HSPG2: variants seen among roughly 807,000 people sequenced by gnomAD.
The protein encoded by HSPG2 is basement membrane-specific heparan sulfate proteoglycan core protein.
A neutral mutation model predicts 526.6 loss-of-function variants in HSPG2; 278 were observed. The observed-to-expected ratio is 0.53, with a 90% confidence interval of 0.48 to 0.58. HSPG2 has a LOEUF of 0.58. HSPG2 is among the 20% of genes least tolerant of loss of function. HSPG2 has a pLI of 0.00. For missense variants in HSPG2, 5,354 were observed against 6,099.5 expected, an observed-to-expected ratio of 0.88 and a Z score of 4.07; for synonymous variants, 2,465 against 2,555.4, an observed-to-expected ratio of 0.96 and a Z score of 1.07.
chr1:21,849,993 T>A (rs531244986), intron 57 of HSPG2, 48 bp downstream of exon 57: 2 of 1,609,926 alleles, frequency 1.2e-6, no homozygotes, highest in South Asian at 2.2e-5. Context: ...TATGCTCTTG[T>A]ACTGCAGCTA....
intron 76 of HSPG2, chr1:21,835,285 G>A (rs2098021887): frequency 1.7e-5 from 10 of 598,486 alleles, no homozygotes; most frequent in East Asian, 2.8e-5. Flanking sequence ...CACCATGCCC[G>A]GTTCACACTG....
intron 1 of HSPG2, among the ~76,000 whole-genome samples, chr1:21,927,499 G>A (rs1020920015): frequency 2.0e-5 from 3 of 147,984 alleles, no homozygotes; most frequent in South Asian, 2.2e-4. Flanking sequence ...GCCAGGGGGG[G>A]ACAGGGCTAG....
At position 21,887,389 on chromosome 1, in the gene HSPG2, C is replaced by T. The variant is rs763008643; in HGVS notation, c.958+31G>A. 42 of 1,613,792 alleles carry T rather than the reference C, an allele frequency of 2.6e-5. No individual in the cohort carries two copies. Among genetic ancestry groups the T allele is most frequent in the Admixed American group, 8.3e-5 (5 of 60,004 alleles). ...CCTCCCGGGCCAGCTTCCTGCTCCC[C>T]GCACCCACCTGCACCCCTGCCGGTG... On this transcript the variant is annotated intron_variant, in intron 8 of 96. Transcript: ENST00000374695. This position sits in a 1 kb window ranked among gnomAD's most constrained non-coding sequence, Gnocchi z 5.0.
chr1:21,908,761 A>T (rs537438769), intron 1 of HSPG2, among the ~76,000 whole-genome samples: 1 of 152,202 alleles, frequency 6.6e-6, no homozygotes, highest in African/African-American at 2.4e-5. Context: ...TGACACTCTA[A>T]AACATTAGGA....
rs556192465 is a variant in HSPG2 at position 21,867,057 on chromosome 1, TTTA to T, written c.4222-1251_4222-1249del. ...ACAGCACAGTGATTTTTAAAAATTT[TTTA>T]TTTTTTTTTTCACCTTTTTTTTTTA... On this transcript the variant is annotated intron_variant, in intron 33 of 96. Transcript: ENST00000374695. Among the ~76,000 whole-genome samples the T allele has an allele frequency of 4.8e-3, 526 of 108,770 alleles. 3 individuals are homozygous for T. Among genetic ancestry groups the T allele is most frequent in the African/African-American group, 0.018 (500 of 27,290 alleles). 71.4% of individuals were successfully genotyped at this position (108,770 alleles called of 152,430 possible).
Position 21,872,959 on chromosome 1 carries a change from G to A in HSPG2, c.3888+38C>T. On this transcript the variant is annotated intron_variant, in intron 31 of 96. Transcript: ENST00000374695. The surrounding 1 kb of genome is among the most constrained non-coding windows in gnomAD (Gnocchi z 5.5). ...TTCCCCGCAGGGTCTGGGCAGCGGG[G>A]CAGAGCAGGCCCCGCAGGGACAGGG... 1 of 1,589,632 alleles carries A rather than the reference G, an allele frequency of 6.3e-7. No homozygotes were observed. The highest frequency in any genetic ancestry group is 8.6e-7 in the Non-Finnish European group (1 of 1,158,846).
chr1:21,880,259 G>C lies in HSPG2; in HGVS notation c.2196-5C>G, dbSNP rs1641390043. 1 of 1,614,024 alleles carries C rather than the reference G, an allele frequency of 6.2e-7. No homozygotes were observed. Among genetic ancestry groups the C allele is most frequent in the Non-Finnish European group, 8.5e-7 (1 of 1,180,034 alleles). On this transcript the variant is annotated splice_polypyrimidine_tract_variant and splice_region_variant and intron_variant, in intron 16 of 96. Coordinates refer to ENST00000374695, the MANE Select transcript of HSPG2 (RefSeq NM_005529.7). ...CCAGAATAGCCAATGGGGCATCTGT[G>C]GGGACAGGACCAAAAGAGTCGCTGC...
chr1:21,876,458 T>A, intron 22 of HSPG2, 53 bp from the exon 23 acceptor site: 40 of 1,612,754 alleles, frequency 2.5e-5, no homozygotes, highest in Non-Finnish European at 3.2e-5. Context: ...GACTGGCGCT[T>A]GGTCCATCCG....
chr1:21,844,119 A>T (rs975795024), intron 65 of HSPG2, 29 bp downstream of exon 65: 1 of 1,611,238 alleles, frequency 6.2e-7, no homozygotes. Flanking sequence ...GGTGTGGAGG[A>T]TGCATGCATC....
intron 1 of HSPG2, among the ~76,000 whole-genome samples, chr1:21,912,135 C>T (rs1185965779): frequency 6.6e-6 from 1 of 152,116 alleles, no homozygotes; most frequent in Non-Finnish European, 1.5e-5. Flanking sequence ...CACATGCCAC[C>T]CCATACCACT....
chr1:21,864,051 C>G lies in HSPG2; in HGVS notation c.4740+49G>C, dbSNP rs757604763. ...GCCTTGTCCAGCCCTGGTCCCCCACCCAGGCCCAGCTGAGCTGACCCCCTG... is the reference window on the plus strand; with the variant it reads ...GCCTTGTCCAGCCCTGGTCCCCCACGCAGGCCCAGCTGAGCTGACCCCCTG... On this transcript the variant is annotated intron_variant, in intron 37 of 96. Transcript: ENST00000374695. The surrounding 1 kb of genome is among the most constrained non-coding windows in gnomAD (Gnocchi z 4.8). 3 of 1,418,922 alleles carry G rather than the reference C, an allele frequency of 2.1e-6. No homozygotes were observed. The highest frequency in any genetic ancestry group is 2.9e-6 in the Non-Finnish European group (3 of 1,027,988). The allele number at this position is 1,418,922 out of a possible 1,614,324, so 87.9% of individuals were successfully genotyped here.
intron 87 of HSPG2, 72 bp downstream of exon 87, chr1:21,829,311 C>T (rs1402445369): frequency 1.3e-6 from 2 of 1,511,830 alleles, no homozygotes; most frequent in Non-Finnish European, 1.8e-6. Context: ...CCATGCCTCC[C>T]TGGGGCTTGA....
Position 21,823,037 on chromosome 1 carries a change from A to C in HSPG2, c.*279T>G. 3.0e-6 allele frequency: 1 copy of C among 335,256 alleles called. No individual in the cohort carries two copies. The highest frequency in any genetic ancestry group is 5.4e-6 in the Non-Finnish European group (1 of 186,096). The allele number at this position is 335,256 out of a possible 1,614,324, so 20.8% of individuals were successfully genotyped here. On this transcript the variant is annotated 3_prime_UTR_variant, in exon 97 of 97. Transcript: ENST00000374695. ...CGGTGGGTAGGGGGACAGTGGGGGC[A>C]GTTCTGGGCCCACCCAGCCACTGTT...
At chr1:21,933,632 C>G (rs966766805) in intron 1 of HSPG2, among the ~76,000 whole-genome samples, 1 of 152,228 alleles carries the variant, frequency 6.6e-6, no homozygotes, top group Non-Finnish European at 1.5e-5. Context: ...AGAGCAGGCC[C>G]GGGCCAAGCC....
At position 21,841,638 on chromosome 1, in the gene HSPG2, T is replaced by G. The variant is rs1572189561; in HGVS notation, c.9229A>C (p.Thr3077Pro). 6.2e-7 allele frequency: 1 copy of G among 1,613,968 alleles called. No individual in the cohort carries two copies. The highest frequency in any genetic ancestry group is 8.5e-7 in the Non-Finnish European group (1 of 1,179,978). ...TTGCTGGGCCGGGTGCCCACGATGGTGATGATGGAGCCATTGGGACTGATG... is the reference window on the plus strand; with the variant it reads ...TTGCTGGGCCGGGTGCCCACGATGGGGATGATGGAGCCATTGGGACTGATG... Reference protein sequence around the residue: ...VHISPNGSIITIVGTRPSNHG... With the variant: ...VHISPNGSIIPIVGTRPSNHG... The change falls in exon 70 of 97, where the codon ACC (threonine) becomes CCC (proline). Residue 3077 changes from threonine (T) to proline (P), a missense_variant. Coordinates refer to ENST00000374695, the MANE Select transcript of HSPG2 (RefSeq NM_005529.7).
chr1:21,836,023 G>A (rs964235355), intron 75 of HSPG2, among the ~76,000 whole-genome samples: 1 of 151,496 alleles, frequency 6.6e-6, no homozygotes, highest in South Asian at 2.1e-4. Flanking sequence ...GCAATTGTGT[G>A]GGCATTAAAA....
chr1:21,833,214 A>AC, intron 80 of HSPG2, 54 bp downstream of exon 80: 1 of 1,411,226 alleles, frequency 7.1e-7, no homozygotes, highest in South Asian at 1.2e-5. Context: ...CAGTTACTCC[A>AC]CGAGGTCCCT....
chr1:21,863,382 GA>G (rs1322172332), intron 37 of HSPG2, among the ~76,000 whole-genome samples: 1 of 151,212 alleles, frequency 6.6e-6, no homozygotes, highest in African/African-American at 2.4e-5. Context: ...AAAAAAAAAA[GA>G]AAAAGAAAAG....
rs1334100296 is a variant in HSPG2, at chr1:21,894,174, A to G, written c.244+1748T>C. On this transcript the variant is annotated intron_variant, in intron 3 of 96. Coordinates refer to ENST00000374695, the MANE Select transcript of HSPG2 (RefSeq NM_005529.7). Reference sequence around the variant, plus strand: ...GAAGGGGTCCTAGGGAGGGGAGGCTATCAGGGACGGGTCTTGACACACAGG... The same window carrying G: ...GAAGGGGTCCTAGGGAGGGGAGGCTGTCAGGGACGGGTCTTGACACACAGG... 2.6e-5 allele frequency among the ~76,000 whole-genome samples: 4 copies of G among 152,190 alleles called. No homozygotes were observed. In the East Asian group the frequency reaches 5.8e-4, roughly 22 times the overall value.
Sources: gnomAD v4.1 joint callset for allele counts (sites outside exome capture counted in the v4.1 genomes callset) on GRCh38, gnomAD v4.1.1 for gene constraint, Gnocchi (gnomAD v3.1) non-coding constraint, MANE v1.5 for transcripts, NCBI Gene and HGNC (gene_info 2026-07-23, HGNC 2026-07-21) for gene names.